Variants in SAR1A observed in about 807,000 individuals in gnomAD.
The protein encoded by SAR1A is small COPII coat GTPase SAR1A.
Under a neutral mutation model 22.6 loss-of-function variants are expected in SAR1A, and 6 were observed. That is an observed-to-expected ratio of 0.27 (90% CI 0.15 to 0.52). The LOEUF (loss-of-function observed/expected upper bound fraction) is 0.52. SAR1A is among the 20% of genes least tolerant of loss of function. The pLI is 0.96. For synonymous variants in SAR1A, 70 were observed against 82.2 expected (o/e 0.85, Z 0.80); for missense variants, 145 against 245.1 (o/e 0.59, Z 2.73).
rs7087051 is a variant in SAR1A at position 70,147,444 on chromosome 10, T to G, written c.*5032A>C. ...TTCCAGTTTGGGGGGACCATACAAC[T>G]TGTCTCAAATAGTCAACTCTGCAGC... On this transcript the variant is annotated 3_prime_UTR_variant, in exon 7 of 7. Coordinates refer to ENST00000373241, the MANE Select transcript of SAR1A (RefSeq NM_020150.5). 0.93 allele frequency: 141,903 copies of G among 152,238 alleles called. 66,214 individuals carry two copies. The highest frequency in any genetic ancestry group is 0.99 in the East Asian group (5,136 of 5,184). 9.4% of individuals were successfully genotyped at this position (152,238 alleles called of 1,614,324 possible).
At chr10:70,154,959 G>A (rs1421837717) in intron 5 of SAR1A, 2 of 397,336 alleles carry the variant, frequency 5.0e-6, no homozygotes, top group East Asian at 1.5e-4. Flanking sequence ...TAAAGGAGAA[G>A]TAAGAACATA....
At chr10:70,163,735 T>C in intron 1 of SAR1A, 1 of 899,750 alleles carries the variant, frequency 1.1e-6, no homozygotes, top group Non-Finnish European at 1.9e-6. Flanking sequence ...AAGAAGTTTT[T>C]TCACTATTTG....
At chr10:70,166,347 G>A (rs1422265856) in intron 1 of SAR1A, among the ~76,000 whole-genome samples, 2 of 152,114 alleles carry the variant, frequency 1.3e-5, no homozygotes, top group African/African-American at 4.8e-5. Context: ...ACAACTCTAG[G>A]AAATCAGTCT....
chr10:70,162,998 C>T (rs1839496149), intron 1 of SAR1A: 1 of 152,292 alleles, frequency 6.6e-6, no homozygotes, highest in Non-Finnish European at 1.5e-5. Context: ...GCCCCCACCC[C>T]AAGCCTCCCT....
In SAR1A at chr10:70,147,521, A is replaced by G. The variant is rs998065206; in HGVS notation, c.*4955T>C. ...GCGGTGGCTGTGTCCCAATAAAAAGATACAGACATTGAAATTTTAATTTCA... is the reference window on the plus strand; with the variant it reads ...GCGGTGGCTGTGTCCCAATAAAAAGGTACAGACATTGAAATTTTAATTTCA... On this transcript the variant is annotated 3_prime_UTR_variant, in exon 7 of 7. Coordinates refer to ENST00000373241, the MANE Select transcript of SAR1A (RefSeq NM_020150.5). The G allele has an allele frequency of 2.6e-5, 4 of 152,232 alleles. No homozygotes were observed. Among genetic ancestry groups the G allele is most frequent in the Admixed American group, 2.6e-4 (4 of 15,284 alleles). The allele number at this position is 152,232 out of a possible 1,614,324, so 9.4% of individuals were successfully genotyped here. A position where few individuals can be genotyped will look rare whatever the true frequency, so the allele number is the denominator to read the frequency against.
intron 5 of SAR1A, among the ~76,000 whole-genome samples, chr10:70,157,459 G>A (rs1839407507): frequency 6.9e-6 from 1 of 144,870 alleles, no homozygotes; most frequent in African/African-American, 2.6e-5. Context: ...ACGTGAAACA[G>A]AATACTATTA....
At chr10:70,157,149 A>G (rs1839399381) in intron 5 of SAR1A, among the ~76,000 whole-genome samples, 1 of 152,352 alleles carries the variant, frequency 6.6e-6, no homozygotes, top group African/African-American at 2.4e-5. Flanking sequence ...TCATGCCTGT[A>G]ATCCCAGCAC....
At chr10:70,153,064 G>C (rs527375723) in intron 6 of SAR1A, among the ~76,000 whole-genome samples, 1 of 152,208 alleles carries the variant, frequency 6.6e-6, no homozygotes, top group Non-Finnish European at 1.5e-5. Flanking sequence ...ATGAAAGAAA[G>C]GAAGTATTTC....
intron 1 of SAR1A, among the ~76,000 whole-genome samples, chr10:70,167,267 A>G (rs1048359401): frequency 2.0e-4 from 31 of 152,070 alleles, no homozygotes; most frequent in African/African-American, 7.5e-4. Context: ...AGTATCTCAG[A>G]TGCGGTGCAG....
chr10:70,162,788 C>G (rs899594072), intron 1 of SAR1A: 1 of 152,354 alleles, frequency 6.6e-6, no homozygotes, highest in South Asian at 2.1e-4. Context: ...TCAGTACCAT[C>G]TTCTAACAGC....
intron 4 of SAR1A, among the ~76,000 whole-genome samples, chr10:70,158,757 CAAA>C (rs58884949): frequency 7.9e-6 from 1 of 125,808 alleles, no homozygotes; most frequent in Non-Finnish European, 1.7e-5. Flanking sequence ...TTAAGTTATA[CAAA>C]AAAAAAAAAA....
intron 5 of SAR1A, among the ~76,000 whole-genome samples, chr10:70,157,296 C>T (rs1046534505): frequency 6.6e-6 from 1 of 151,150 alleles, no homozygotes; most frequent in South Asian, 2.1e-4. Flanking sequence ...CCCAGCTACT[C>T]GGGAGGCTGA....
intron 1 of SAR1A, among the ~76,000 whole-genome samples, chr10:70,162,440 A>AGGG (rs1839484539): frequency 7.6e-6 from 1 of 132,364 alleles, no homozygotes; most frequent in African/African-American, 2.8e-5. Flanking sequence ...AAGGAAAGGA[A>AGGG]AAGAAAAGAA....
chr10:70,152,042 T>TA lies in SAR1A; in HGVS notation c.*433dup, dbSNP rs535832748. The TA allele has an allele frequency of 7.0e-3, 1,348 of 191,600 alleles. No individual in the cohort carries two copies. The highest frequency in any genetic ancestry group is 0.023 in the South Asian group (285 of 12,326). 11.9% of individuals were successfully genotyped at this position (191,600 alleles called of 1,614,324 possible). On this transcript the variant is annotated 3_prime_UTR_variant, in exon 7 of 7. Coordinates refer to ENST00000373241, the MANE Select transcript of SAR1A (RefSeq NM_020150.5). ...AGTATCTAAATGTCATTCATTAGTT[T>TA]AAAAAAAAAAAAGAATAGAAAACTC...
intron 1 of SAR1A, among the ~76,000 whole-genome samples, chr10:70,169,550 G>A (rs1005311690): frequency 6.6e-6 from 1 of 152,232 alleles, no homozygotes; most frequent in Non-Finnish European, 1.5e-5. Context: ...TAATAGAAAA[G>A]GAGGGCACCA....
intron 5 of SAR1A, 74 bp from the exon 6 acceptor site, chr10:70,154,043 GA>G: frequency 1.7e-6 from 2 of 1,180,118 alleles, no homozygotes; most frequent in Non-Finnish European, 2.4e-6. Context: ...ACCAGATAAT[GA>G]AAATTCTGAC....
intron 5 of SAR1A, 140 bp from the exon 6 acceptor site, chr10:70,154,109 C>A (rs1839358221): frequency 1.7e-6 from 1 of 585,676 alleles, no homozygotes; most frequent in South Asian, 2.6e-5. Context: ...CAACTTTATA[C>A]CTGAGTGATT....
Position 70,153,830 on chromosome 10 carries a change from T to C in SAR1A, c.480+8A>G. On this transcript the variant is annotated splice_region_variant and intron_variant, in intron 6 of 6. Transcript: ENST00000373241. ...CCTTTATATGTAACCCAAATATTTTTCTCTTACCTTTCCTGTGGTCTGTCC... is the reference window on the plus strand; with the variant it reads ...CCTTTATATGTAACCCAAATATTTTCCTCTTACCTTTCCTGTGGTCTGTCC... 6.4e-7 allele frequency: 1 copy of C among 1,574,660 alleles called. No individual in the cohort carries two copies. The highest frequency in any genetic ancestry group is 1.2e-5 in the South Asian group (1 of 84,258).
At chr10:70,152,663 A>T in intron 6 of SAR1A, 71 bp from the exon 7 acceptor site, 3 of 1,054,610 alleles carry the variant, frequency 2.8e-6, no homozygotes, top group South Asian at 1.3e-5. Flanking sequence ...GACGATCATT[A>T]CAATCATTTT....
Sources: gnomAD v4.1 joint callset for allele counts (sites outside exome capture counted in the v4.1 genomes callset) on GRCh38, gnomAD v4.1.1 for gene constraint, MANE v1.5 for transcripts, NCBI Gene and HGNC (gene_info 2026-07-23, HGNC 2026-07-21) for gene names.